Variants in ZSWIM5 observed in about 807,000 individuals in gnomAD.
The protein encoded by ZSWIM5 is zinc finger SWIM domain-containing protein 5.
Under a neutral mutation model 119.6 loss-of-function variants are expected in ZSWIM5, and 55 were observed. The observed-to-expected ratio is 0.46, with a 90% confidence interval of 0.37 to 0.58. The LOEUF is 0.58. ZSWIM5 is among the 20% of genes least tolerant of loss of function. The probability of loss-of-function intolerance (pLI) is 0.00; values close to 1 mark genes in which losing one functional copy is unlikely to be tolerated. For synonymous variants in ZSWIM5, 537 were observed against 606.9 expected (o/e 0.88, Z 1.69); for missense variants, 1,193 against 1,512.8 (o/e 0.79, Z 3.51).
chr1:45,168,680 A>G (rs1475881194), intron 1 of ZSWIM5, among the ~76,000 whole-genome samples: 1 of 150,786 alleles, frequency 6.6e-6, no homozygotes, highest in Non-Finnish European at 1.5e-5. Flanking sequence ...AAAAAAAAAA[A>G]AAAAAGAATA....
intron 8 of ZSWIM5, among the ~76,000 whole-genome samples, chr1:45,038,318 C>T (rs1644997964): frequency 1.3e-5 from 2 of 152,164 alleles, no homozygotes; most frequent in African/African-American, 4.8e-5. Flanking sequence ...TTTCAGACTG[C>T]TCTAGGTTCT....
intron 1 of ZSWIM5, among the ~76,000 whole-genome samples, chr1:45,093,208 T>C (rs1645378475): frequency 1.3e-5 from 2 of 152,204 alleles, no homozygotes; most frequent in Non-Finnish European, 2.9e-5. Context: ...ATTTAACTAA[T>C]GGAATTATAA....
In ZSWIM5 at chr1:45,190,927, A is replaced by ATTTTTTTTTT. The variant is rs746764436; in HGVS notation, c.595+14819_595+14828dup. 1.2e-3 allele frequency among the ~76,000 whole-genome samples: 57 copies of ATTTTTTTTTT among 49,008 alleles called. 17 individuals are homozygous for ATTTTTTTTTT. The highest frequency in any genetic ancestry group is 2.5e-3 in the East Asian group (3 of 1,218). 32.2% of individuals were successfully genotyped at this position (49,008 alleles called of 152,430 possible). ...TCCATGTTCGACTGAAATAGCTGGA[A>ATTTTTTTTTT]TTTTTTTTTTTTTTTTTTTTTTTTT... is the stretch of plus-strand genomic sequence containing the variant. On this transcript the variant is annotated intron_variant, in intron 1 of 13. Coordinates refer to ENST00000359600, the MANE Select transcript of ZSWIM5 (RefSeq NM_020883.2).
intron 1 of ZSWIM5, among the ~76,000 whole-genome samples, chr1:45,115,370 C>T (rs2149025311): frequency 6.6e-6 from 1 of 152,156 alleles, no homozygotes; most frequent in East Asian, 1.9e-4. Flanking sequence ...AGGGGCTCCT[C>T]ACTTCCCAGA....
intron 1 of ZSWIM5, among the ~76,000 whole-genome samples, chr1:45,131,913 A>T (rs1272315447): frequency 6.6e-6 from 1 of 151,482 alleles, no homozygotes; most frequent in Non-Finnish European, 1.5e-5. Context: ...CAATGTATGG[A>T]GAGAACATAA....
intron 10 of ZSWIM5, 41 bp downstream of exon 10, chr1:45,035,647 T>C: frequency 3.1e-6 from 5 of 1,605,306 alleles, no homozygotes; most frequent in South Asian, 1.1e-5. Context: ...TGGACACTTC[T>C]GCTTTGGTGG....
In ZSWIM5 at chr1:45,019,995, G is replaced by C; in HGVS notation, c.2695+71C>G. ...TAGGAATATGAGAGCTCTAAGGATT[G>C]ATTGTCCTGTCCCAAGAGTAGGGCC... is the stretch of plus-strand genomic sequence containing the variant. On this transcript the variant is annotated intron_variant, in intron 13 of 13. Coordinates refer to ENST00000359600, the MANE Select transcript of ZSWIM5 (RefSeq NM_020883.2). The surrounding 1 kb of genome is among the most constrained non-coding windows in gnomAD (Gnocchi z 5.0). The C allele has an allele frequency of 2.3e-6, 3 of 1,320,180 alleles. No individual in the cohort carries two copies. Among genetic ancestry groups the C allele is most frequent in the Non-Finnish European group, 3.3e-6 (3 of 918,942 alleles). 81.8% of individuals were successfully genotyped at this position (1,320,180 alleles called of 1,614,324 possible).
intron 5 of ZSWIM5, 47 bp downstream of exon 5, chr1:45,051,027 C>T: frequency 6.4e-7 from 1 of 1,573,754 alleles, no homozygotes; most frequent in African/African-American, 1.4e-5. Flanking sequence ...ACCCTCCCAC[C>T]TTTTGAAGTT....
intron 1 of ZSWIM5, among the ~76,000 whole-genome samples, chr1:45,129,283 C>T (rs750256323): frequency 7.3e-5 from 11 of 151,614 alleles, no homozygotes; most frequent in South Asian, 6.2e-4. Context: ...CTCAGCCTCC[C>T]GAGTAGCTGG....
Position 45,133,044 on chromosome 1 carries a change from T to C in ZSWIM5, c.596-44807A>G, listed in dbSNP as rs1365883455. ...GACATTTGGGTTGGTTCCAAGTCTT[T>C]GCTACTGTGAATAGTGCCACAATAA... is the stretch of plus-strand genomic sequence containing the variant. On this transcript the variant is annotated intron_variant, in intron 1 of 13. Coordinates refer to ENST00000359600, the MANE Select transcript of ZSWIM5 (RefSeq NM_020883.2). Among the ~76,000 whole-genome samples, 6 of 152,364 alleles carry C rather than the reference T, an allele frequency of 3.9e-5. No homozygotes were observed. The East Asian group carries it at 1.2e-3, about 29-fold the overall frequency.
intron 1 of ZSWIM5, among the ~76,000 whole-genome samples, chr1:45,174,260 C>T (rs923283581): frequency 2.6e-4 from 39 of 151,760 alleles, no homozygotes; most frequent in African/African-American, 8.7e-4. Flanking sequence ...GGTGAGAAAG[C>T]GAGACCTTGT....
At chr1:45,166,983 G>T (rs913646363) in intron 1 of ZSWIM5, among the ~76,000 whole-genome samples, 16 of 151,940 alleles carry the variant, frequency 1.1e-4, no homozygotes, top group Admixed American at 7.9e-4. Flanking sequence ...TTAAAGTTCA[G>T]ACGGAACCAA....
At chr1:45,127,666 T>C (rs1013981109) in intron 1 of ZSWIM5, among the ~76,000 whole-genome samples, 6 of 152,100 alleles carry the variant, frequency 3.9e-5, no homozygotes, top group African/African-American at 1.4e-4. Context: ...CTCAAACTCT[T>C]GGCCTCAAGC....
chr1:45,095,591 G>GT (rs952507567), intron 1 of ZSWIM5, among the ~76,000 whole-genome samples: 1 of 152,104 alleles, frequency 6.6e-6, no homozygotes, highest in African/African-American at 2.4e-5. Context: ...TGAGATTTGG[G>GT]TTTTTTGCTG....
intron 1 of ZSWIM5, among the ~76,000 whole-genome samples, chr1:45,118,148 C>T (rs964111222): frequency 6.6e-6 from 1 of 152,010 alleles, no homozygotes; most frequent in Non-Finnish European, 1.5e-5. Flanking sequence ...CACTTTAAAT[C>T]AATATCCCTA....
intron 11 of ZSWIM5, among the ~76,000 whole-genome samples, chr1:45,023,019 CACAGAT>C (rs1371186037): frequency 6.6e-6 from 1 of 152,130 alleles, no homozygotes; most frequent in Non-Finnish European, 1.5e-5. Flanking sequence ...ATGCAGAACC[CACAGAT>C]ACAGAGGGCT....
At chr1:45,074,065 C>A (rs1645241320) in intron 2 of ZSWIM5, among the ~76,000 whole-genome samples, 1 of 151,940 alleles carries the variant, frequency 6.6e-6, no homozygotes, top group Admixed American at 6.5e-5. Context: ...ACCATCCTTG[C>A]ATCTCAGGGA....
At chr1:45,121,849 A>C (rs1408496342) in intron 1 of ZSWIM5, among the ~76,000 whole-genome samples, 2 of 152,060 alleles carry the variant, frequency 1.3e-5, no homozygotes, top group African/African-American at 2.4e-5. Context: ...CAGCCTCTTA[A>C]AGTGCTGGGA....
Position 45,130,465 on chromosome 1 carries a change from T to C in ZSWIM5, c.596-42228A>G, listed in dbSNP as rs541642537. ...TGAAGAGACATCTCACCAAAAAGGA[T>C]AGACAGATGGCAAATAAAAAGATGT... On this transcript the variant is annotated intron_variant, in intron 1 of 13. Transcript: ENST00000359600. Among the ~76,000 whole-genome samples, 4 of 151,538 alleles carry C rather than the reference T, an allele frequency of 2.6e-5. No individual in the cohort carries two copies. In the East Asian group the frequency reaches 5.8e-4, roughly 22 times the overall value.
Sources: allele counts gnomAD v4.1 joint callset (sites outside exome capture counted in the v4.1 genomes callset), GRCh38; gene constraint gnomAD v4.1.1; non-coding constraint Gnocchi (gnomAD v3.1); transcripts MANE v1.5; gene names NCBI Gene and HGNC (gene_info 2026-07-23, HGNC 2026-07-21).